The following ERICH6 variants were observed in gnomAD, a reference collection of about 807,000 sequenced individuals.
ERICH6 encodes the protein glutamate rich 6.
A neutral mutation model predicts 71.0 loss-of-function variants in ERICH6; 71 were observed. That is an observed-to-expected ratio of 1.00 (90% confidence interval 0.83 to 1.22). The LOEUF (loss-of-function observed/expected upper bound fraction) is 1.22, where lower values mean the gene tolerates loss of function less well. Among genes scored for constraint, ERICH6 ranks in the 50% most tolerant of loss-of-function variants. The probability of loss-of-function intolerance (pLI) is 0.00; values close to 1 mark genes in which losing one functional copy is unlikely to be tolerated. For missense variants in ERICH6, 808 were observed against 797.2 expected (o/e 1.01, Z -0.16); for synonymous variants, 262 against 278.4 (o/e 0.94, Z 0.59).
At chr3:150,681,017 A>G (rs1711906464) in intron 7 of ERICH6, 87 bp from the exon 8 acceptor site, 2 of 1,370,246 alleles carry the variant, frequency 1.5e-6, no homozygotes, top group South Asian at 1.7e-5. Flanking sequence ...GGTTTGGATA[A>G]CAATCCATCA....
intron 13 of ERICH6, among the ~76,000 whole-genome samples, chr3:150,666,493 A>G (rs894333544): frequency 6.6e-6 from 1 of 152,192 alleles, no homozygotes; most frequent in Admixed American, 6.5e-5. Context: ...AACAAACACA[A>G]TACGAAATCT....
chr3:150,670,643 A>C (rs1018068239), intron 11 of ERICH6, among the ~76,000 whole-genome samples: 1 of 152,172 alleles, frequency 6.6e-6, no homozygotes, highest in African/African-American at 2.4e-5. Flanking sequence ...ATAATGTATT[A>C]AACCCGATAA....
chr3:150,693,712 G>A (rs1160125062), intron 3 of ERICH6, among the ~76,000 whole-genome samples: 1 of 152,082 alleles, frequency 6.6e-6, no homozygotes, highest in Non-Finnish European at 1.5e-5. Flanking sequence ...TAGTAAAAAT[G>A]GGAAACTGGA....
At chr3:150,689,077 T>A (rs1363173933) in intron 3 of ERICH6, among the ~76,000 whole-genome samples, 1 of 152,250 alleles carries the variant, frequency 6.6e-6, no homozygotes, top group East Asian at 1.9e-4. Flanking sequence ...TAGCTTGAGC[T>A]ATCTGTATGG....
At chr3:150,673,611 C>A (rs921483710) in intron 11 of ERICH6, among the ~76,000 whole-genome samples, 1 of 152,026 alleles carries the variant, frequency 6.6e-6, no homozygotes, top group Non-Finnish European at 1.5e-5. Flanking sequence ...TTTTCTGAGA[C>A]ACGGTCCCAC....
intron 11 of ERICH6, among the ~76,000 whole-genome samples, chr3:150,672,255 T>TTATATATATATATATATATA (rs929327217): frequency 2.4e-5 from 2 of 82,180 alleles, no homozygotes; most frequent in African/African-American, 1.2e-4. Context: ...AAGAATCCAT[T>TTATATATATATATATATATA]TATATATACA....
In ERICH6 at chr3:150,699,725, A is replaced by AAAC. The variant is rs1553755361; in HGVS notation, c.462-844_462-843insGTT. 1.5e-4 allele frequency among the ~76,000 whole-genome samples: 20 copies of AAAC among 134,456 alleles called. 1 individual carries two copies. Among genetic ancestry groups the AAAC allele is most frequent in the Admixed American group, 1.5e-3 (20 of 13,578 alleles). 88.2% of individuals were successfully genotyped at this position (134,456 alleles called of 152,430 possible). A position where few individuals can be genotyped will look rare whatever the true frequency, so the allele number is the denominator to read the frequency against. On this transcript the variant is annotated intron_variant, in intron 2 of 13. Transcript: ENST00000295910. ...CAAAGCCCTCAAAGAGATAAAAACA[A>AAAC]AAAAAAAAAACACAAAAAACAAACC...
At chr3:150,689,094 C>G (rs1322283175) in intron 3 of ERICH6, among the ~76,000 whole-genome samples, 1 of 152,152 alleles carries the variant, frequency 6.6e-6, no homozygotes, top group African/African-American at 2.4e-5. Flanking sequence ...ATGGCTCAAA[C>G]CAATAGGACA....
chr3:150,688,320 C>G (rs1712280020), intron 3 of ERICH6, among the ~76,000 whole-genome samples: 1 of 151,364 alleles, frequency 6.6e-6, no homozygotes, highest in South Asian at 2.1e-4. Flanking sequence ...GGGAAGAGCT[C>G]AAAAAAAGCA....
At chr3:150,665,107 T>G (rs946081491) in intron 13 of ERICH6, among the ~76,000 whole-genome samples, 3 of 152,128 alleles carry the variant, frequency 2.0e-5, no homozygotes, top group Admixed American at 2.0e-4. Flanking sequence ...GAGGGGATAC[T>G]GCAGATTTCT....
chr3:150,681,729 T>C (rs1339304709), intron 7 of ERICH6, among the ~76,000 whole-genome samples: 1 of 152,062 alleles, frequency 6.6e-6, no homozygotes. Context: ...TCTTTTAAAT[T>C]ATACCCATCC....
intron 12 of ERICH6, among the ~76,000 whole-genome samples, chr3:150,668,990 C>G (rs1463702806): frequency 1.3e-5 from 2 of 152,174 alleles, no homozygotes; most frequent in African/African-American, 4.8e-5. Flanking sequence ...AGTTACATCC[C>G]AAATCCCTAG....
At chr3:150,695,001 C>T (rs1375880756) in intron 3 of ERICH6, among the ~76,000 whole-genome samples, 4 of 152,156 alleles carry the variant, frequency 2.6e-5, no homozygotes, top group Non-Finnish European at 5.9e-5. Context: ...AATGAACTAG[C>T]TTTCTGGGCC....
chr3:150,685,011 A>T (rs754823369), intron 6 of ERICH6, among the ~76,000 whole-genome samples: 131 of 152,004 alleles, frequency 8.6e-4, no homozygotes, highest in Middle Eastern at 3.4e-3. Flanking sequence ...TCTCAAAAAA[A>T]AAAAATAATA....
chr3:150,666,295 A>G (rs902897143), intron 13 of ERICH6, among the ~76,000 whole-genome samples: 1 of 152,200 alleles, frequency 6.6e-6, no homozygotes, highest in Non-Finnish European at 1.5e-5. Context: ...AGCACTGTTC[A>G]ACAAGCACGG....
rs1320462194 is a variant in ERICH6 at position 150,660,108 on chromosome 3, A to G, written c.1776T>C (p.Asp592=). 6.2e-7 allele frequency: 1 copy of G among 1,614,108 alleles called. No individual in the cohort carries two copies. Among genetic ancestry groups the G allele is most frequent in the South Asian group, 1.1e-5 (1 of 91,082 alleles). ...EIPILRYVSG[D]DLLLLASLIK... ...TTAAACTGGCCAGCAGAAGAAGGTC[A>G]TCTCCACTTACGTATCGGAGGATTG... The change falls in exon 14 of 14, where the codon GAT becomes GAC. Residue 592 remains aspartate (D), a synonymous_variant. Transcript: ENST00000295910.
At position 150,703,827 on chromosome 3, in the gene ERICH6, C is replaced by G; in HGVS notation, c.72G>C (p.Glu24Asp). The change falls in exon 1 of 14, where the codon GAG becomes GAC. Residue 24 changes from glutamate to aspartate, a missense_variant. Physicochemically the swap from Glu to Asp is conservative, Grantham distance 45 (BLOSUM62 2). This residue lies in a region of ERICH6 where 53 missense variants were observed against 40.6 expected (regional missense o/e 1.30). Transcript: ENST00000295910. The part of the protein sequence containing the change: ...GKKDQKESEE[E>D]LEEEEEEEEV... ...CTTCCTCCTCCTCCTCCTCCTCTAACTCCTCCTCTGACTCCTTCTGGTCCT... is the reference window on the plus strand; with the variant it reads ...CTTCCTCCTCCTCCTCCTCCTCTAAGTCCTCCTCTGACTCCTTCTGGTCCT... 6.2e-7 allele frequency: 1 copy of G among 1,611,824 alleles called. No homozygotes were observed. Among genetic ancestry groups the G allele is most frequent in the Non-Finnish European group, 8.5e-7 (1 of 1,179,192 alleles).
At chr3:150,698,283 T>C (rs1576563681) in intron 3 of ERICH6, among the ~76,000 whole-genome samples, 1 of 152,328 alleles carries the variant, frequency 6.6e-6, no homozygotes, top group South Asian at 2.1e-4. Context: ...AGACCTATGA[T>C]AGGTGTTTGG....
intron 3 of ERICH6, among the ~76,000 whole-genome samples, chr3:150,697,831 A>C (rs1425661115): frequency 6.6e-6 from 1 of 151,434 alleles, no homozygotes; most frequent in East Asian, 1.9e-4. Context: ...TTCCCACCTC[A>C]CTCCCAGTGA....
Sources: gnomAD v4.1 joint callset for allele counts (sites outside exome capture counted in the v4.1 genomes callset) on GRCh38, gnomAD v4.1.1 for gene constraint, gnomAD v4.1.1 regional missense constraint, MANE v1.5 for transcripts, NCBI Gene and HGNC (gene_info 2026-07-23, HGNC 2026-07-21) for gene names.